The following LYVE1 variants were observed in gnomAD, a reference collection of about 807,000 sequenced individuals.
LYVE1 encodes lymphatic vessel endothelial hyaluronic acid receptor 1.
Under a neutral mutation model 31.5 loss-of-function variants are expected in LYVE1, and 29 were observed. The observed-to-expected ratio is 0.92, with a 90% CI of 0.69 to 1.26. LYVE1 has a LOEUF of 1.26. Ranked by LOEUF, LYVE1 falls within the 50% of genes most tolerant of loss-of-function variation. The pLI is 0.00. For missense variants in LYVE1, 376 were observed against 380.2 expected, an observed-to-expected ratio of 0.99 and a Z score of 0.09; for synonymous variants, 134 against 139.4, an observed-to-expected ratio of 0.96 and a Z score of 0.27.
intron 4 of LYVE1, among the ~76,000 whole-genome samples, 191 bp from the exon 5 acceptor site, chr11:10,560,085 C>T (rs1564877238): frequency 6.6e-6 from 1 of 152,186 alleles, no homozygotes; most frequent in Non-Finnish European, 1.5e-5. Flanking sequence ...GCTTCTCACA[C>T]TCTCAATTCT....
Position 10,560,678 on chromosome 11 carries a change from G to A in LYVE1, c.520C>T (p.Pro174Ser). The change falls in exon 4 of 6, where the codon CCT (proline) becomes TCT (serine). Residue 174 changes from proline (P) to serine (S), a missense_variant. Pro to Ser is a moderately conservative substitution (Grantham distance 74). Transcript: ENST00000256178. ...VSDSTYSVAS[P>S]YSTIPAPTTT... The stretch of plus-strand genomic sequence containing the variant: ...GTAGGGGCAGGTATTGTAGAGTAAG[G>A]GGATGCCACCGAGTAGGTACTGTCA... 1.2e-6 allele frequency: 2 copies of A among 1,614,084 alleles called. No homozygotes were observed. Among genetic ancestry groups the A allele is most frequent in the South Asian group, 2.2e-5 (2 of 91,086 alleles).
In LYVE1 at chr11:10,558,053, A is replaced by G. The variant is rs1046069064; in HGVS notation, c.*1058T>C. On this transcript the variant is annotated 3_prime_UTR_variant, in exon 6 of 6. Transcript: ENST00000256178. The stretch of plus-strand genomic sequence containing the variant: ...AAATTAAGGTTATAATGGTTGCCAT[A>G]TTAGAGAAAATGAATAAGATTAGTC... 1.3e-5 allele frequency: 2 copies of G among 152,236 alleles called. No individual in the cohort carries two copies. The highest frequency in any genetic ancestry group is 2.4e-5 in the African/African-American group (1 of 41,468). 9.4% of individuals were successfully genotyped at this position (152,236 alleles called of 1,614,324 possible).
rs1270444901 is a variant in LYVE1 at position 10,558,832 on chromosome 11, T to C, written c.*279A>G. On this transcript the variant is annotated 3_prime_UTR_variant, in exon 6 of 6. Coordinates refer to ENST00000256178, the MANE Select transcript of LYVE1 (RefSeq NM_006691.4). ...AGGTCCTTGCACTTTGCAAAACTCC[T>C]TTCTCCCAGTGGGATATTATTAGGA... The C allele has an allele frequency of 2.5e-5, 9 of 363,148 alleles. No individual in the cohort carries two copies. The highest frequency in any genetic ancestry group is 2.1e-4 in the Admixed American group (5 of 23,366). The allele number at this position is 363,148 out of a possible 1,614,324, so 22.5% of individuals were successfully genotyped here.
intron 1 of LYVE1, among the ~76,000 whole-genome samples, chr11:10,565,489 T>A (rs189638502): frequency 6.6e-6 from 1 of 152,352 alleles, no homozygotes; most frequent in African/African-American, 2.4e-5. Context: ...TACGCAGCTC[T>A]GTGTATTGGA....
intron 1 of LYVE1, among the ~76,000 whole-genome samples, chr11:10,564,730 G>A (rs979773939): frequency 2.0e-5 from 3 of 152,186 alleles, no homozygotes; most frequent in African/African-American, 7.2e-5. Context: ...AAGCATCTGA[G>A]ACTTTGAGAA....
intron 3 of LYVE1, among the ~76,000 whole-genome samples, chr11:10,562,065 C>T (rs2134005548): frequency 6.6e-6 from 1 of 152,282 alleles, no homozygotes; most frequent in African/African-American, 2.4e-5. Flanking sequence ...AGGAAATAGA[C>T]AAATCCAAGT....
chr11:10,565,379 A>G (rs557576020), intron 1 of LYVE1, among the ~76,000 whole-genome samples: 1 of 152,332 alleles, frequency 6.6e-6, no homozygotes, highest in Non-Finnish European at 1.5e-5. Context: ...AGACCTGTAT[A>G]AAATTGCCAA....
intron 1 of LYVE1, 62 bp downstream of exon 1, chr11:10,568,386 A>G (rs1364457822): frequency 1.9e-6 from 3 of 1,540,448 alleles, no homozygotes; most frequent in Middle Eastern, 3.5e-4. Flanking sequence ...TCCATAGTCA[A>G]CAGCTTAGGA....
In LYVE1 at chr11:10,558,227, A is replaced by G. The variant is rs1196110626; in HGVS notation, c.*884T>C. On this transcript the variant is annotated 3_prime_UTR_variant, in exon 6 of 6. Transcript: ENST00000256178. The stretch of plus-strand genomic sequence containing the variant: ...TGTAATACCTTGCACAGCACTTGAC[A>G]TATAGTAGCTATTCAGCAAATGTTT... 6.6e-6 allele frequency: 1 copy of G among 152,238 alleles called. No homozygotes were observed. The highest frequency in any genetic ancestry group is 2.4e-5 in the African/African-American group (1 of 41,470). 9.4% of individuals were successfully genotyped at this position (152,238 alleles called of 1,614,324 possible).
In LYVE1 at chr11:10,568,513, A is replaced by T; in HGVS notation, c.20T>A (p.Leu7Gln). 6.2e-7 allele frequency: 1 copy of T among 1,613,984 alleles called. No homozygotes were observed. The part of the protein sequence containing the change: MARCFS[L>Q]VLLLTSIWTT... ...CCAGATGGAAGTGAGAAGCAACACC[A>T]GGCTGAAGCACCTGGCCATCGTGCC... The change falls in exon 1 of 6, where the codon CTG (leucine) becomes CAG (glutamine). Residue 7 changes from leucine (L) to glutamine (Q), a missense_variant. Transcript: ENST00000256178.
rs1850360038 is a variant in LYVE1, at chr11:10,558,841, G to A, written c.*270C>T. Reference sequence around the variant, plus strand: ...CACTTTGCAAAACTCCTTTCTCCCAGTGGGATATTATTAGGACATAGCCAG... The same window carrying A: ...CACTTTGCAAAACTCCTTTCTCCCAATGGGATATTATTAGGACATAGCCAG... On this transcript the variant is annotated 3_prime_UTR_variant, in exon 6 of 6. Transcript: ENST00000256178. The A allele has an allele frequency of 1.0e-5, 4 of 384,708 alleles. No individual in the cohort carries two copies. Among genetic ancestry groups the A allele is most frequent in the East Asian group, 8.1e-5 (2 of 24,814 alleles). The allele number at this position is 384,708 out of a possible 1,614,324, so 23.8% of individuals were successfully genotyped here.
intron 4 of LYVE1, 34 bp downstream of exon 4, chr11:10,560,461 A>G: frequency 6.5e-7 from 1 of 1,537,998 alleles, no homozygotes. Context: ...ATGAACATAC[A>G]TACACACGTA....
In LYVE1 at chr11:10,559,203, G is replaced by A. The variant is rs1850367071; in HGVS notation, c.877C>T (p.Pro293Ser). 1.9e-6 allele frequency: 3 copies of A among 1,613,690 alleles called. No individual in the cohort carries two copies. The highest frequency in any genetic ancestry group is 1.7e-5 in the Admixed American group (1 of 59,970). ...TCAGTTTTCTTTGATTCCTCATTAG[G>A]GTTGCTATCATTGGCCTTCTCCTCC... ...VKEEKANDSN[P>S]NEESKKTDKN... The change falls in exon 6 of 6, where the codon CCT becomes TCT. Residue 293 changes from proline (P) to serine (S), a missense_variant. Physicochemically the swap from Pro to Ser is moderately conservative, Grantham distance 74. Coordinates refer to ENST00000256178, the MANE Select transcript of LYVE1 (RefSeq NM_006691.4).
chr11:10,566,399 C>G (rs1275038884), intron 1 of LYVE1, among the ~76,000 whole-genome samples: 1 of 152,140 alleles, frequency 6.6e-6, no homozygotes, highest in East Asian at 1.9e-4. Flanking sequence ...CATGAACCAC[C>G]GTGCCCAACC....
At chr11:10,563,828 G>T in intron 3 of LYVE1, 112 bp downstream of exon 3, 2 of 1,333,820 alleles carry the variant, frequency 1.5e-6, no homozygotes, top group Non-Finnish European at 2.1e-6. Context: ...AGAATTAGAT[G>T]GCCGTGGCTG....
rs1450821061 is a variant in LYVE1 at position 10,557,164 on chromosome 11, G to A, written c.*1947C>T. 2.0e-5 allele frequency: 3 copies of A among 152,146 alleles called. 1 individual carries two copies. Among genetic ancestry groups the A allele is most frequent in the Non-Finnish European group, 4.4e-5 (3 of 68,044 alleles). The allele number at this position is 152,146 out of a possible 1,614,324, so 9.4% of individuals were successfully genotyped here. ...GAAGAAAAGGCCACAGTGTTACAAAGTTCATAGGAAAGGGCACCTTTACTT... is the reference window on the plus strand; with the variant it reads ...GAAGAAAAGGCCACAGTGTTACAAAATTCATAGGAAAGGGCACCTTTACTT... On this transcript the variant is annotated 3_prime_UTR_variant, in exon 6 of 6. Transcript: ENST00000256178.
Position 10,557,513 on chromosome 11 carries a change from A to G in LYVE1, c.*1598T>C, listed in dbSNP as rs934668495. On this transcript the variant is annotated 3_prime_UTR_variant, in exon 6 of 6. Transcript: ENST00000256178. ...GGGTCACTGGTGAGGGGAAGAAGAC[A>G]ATTAGCAGTCTAAGCGGGAGGGAAA... The G allele has an allele frequency of 6.6e-6, 1 of 152,184 alleles. No homozygotes were observed. The highest frequency in any genetic ancestry group is 1.5e-5 in the Non-Finnish European group (1 of 68,030). The allele number at this position is 152,184 out of a possible 1,614,324, so 9.4% of individuals were successfully genotyped here.
At chr11:10,560,893 A>G in intron 3 of LYVE1, 93 bp from the exon 4 acceptor site, 1 of 1,002,628 alleles carries the variant, frequency 1.0e-6, no homozygotes, top group Non-Finnish European at 1.5e-6. Flanking sequence ...AACCCCTTAT[A>G]CCGCAGCTGG....
At chr11:10,564,588 G>A (rs73411994) in intron 1 of LYVE1, among the ~76,000 whole-genome samples, 2,101 of 152,282 alleles carry the variant, frequency 0.014, 37 homozygotes, top group African/African-American at 0.045. Context: ...TGTAAATGTC[G>A]CCCAATCAAA....
Sources: allele counts gnomAD v4.1 joint callset (sites outside exome capture counted in the v4.1 genomes callset), GRCh38; gene constraint gnomAD v4.1.1; transcripts MANE v1.5; gene names NCBI Gene and HGNC (gene_info 2026-07-23, HGNC 2026-07-21).